The following ADCY9 variants were observed in gnomAD, a reference collection of about 807,000 sequenced individuals.
ADCY9 encodes the protein adenylate cyclase 9, also known as adenylate cyclase type 9.
A neutral mutation model predicts 101.5 loss-of-function variants in ADCY9; 50 were observed. That is an observed-to-expected ratio of 0.49 (90% CI 0.39 to 0.62). The LOEUF is 0.62. Among genes scored for constraint, ADCY9 ranks in the 20% least tolerant of loss-of-function variants. The pLI, the probability that ADCY9 is intolerant of heterozygous loss-of-function variation, is 0.00. For synonymous variants in ADCY9, 905 were observed against 769.3 expected, an observed-to-expected ratio of 1.18 and a Z score of -2.92; for missense variants, 1,662 against 1,800.4, an observed-to-expected ratio of 0.92 and a Z score of 1.39.
chr16:3,954,789 C>A (rs2055898804), intron 5 of ADCY9, among the ~76,000 whole-genome samples: 1 of 152,116 alleles, frequency 6.6e-6, no homozygotes, highest in African/African-American at 2.4e-5. Flanking sequence ...TTACTGTGGA[C>A]ACAGATGGGG....
intron 2 of ADCY9, among the ~76,000 whole-genome samples, chr16:4,010,573 G>A (rs899094033): frequency 9.2e-5 from 14 of 152,222 alleles, no homozygotes; most frequent in African/African-American, 3.4e-4. Context: ...CAGGGACGAT[G>A]TGTGACTATT....
chr16:3,988,950 A>G (rs1288724372), intron 6 of ADCY9, 44 bp downstream of exon 6: 9 of 1,459,256 alleles, frequency 6.2e-6, no homozygotes, highest in Non-Finnish European at 6.7e-6. Flanking sequence ...TGTGAGAACA[A>G]CAAACACATT....
chr16:3,967,521 C>T (rs1283622679), intron 10 of ADCY9, among the ~76,000 whole-genome samples: 1 of 151,668 alleles, frequency 6.6e-6, no homozygotes, highest in Non-Finnish European at 1.5e-5. Context: ...TCCTAAGTAG[C>T]TGGGATTACA....
intron 3 of ADCY9, among the ~76,000 whole-genome samples, chr16:3,998,278 G>T (rs941637159): frequency 1.3e-5 from 2 of 152,016 alleles, no homozygotes; most frequent in African/African-American, 2.4e-5. Context: ...GGGCACAGTG[G>T]TGTGTGCTTG....
At chr16:3,985,128 T>A (rs2056179991) in intron 6 of ADCY9, among the ~76,000 whole-genome samples, 1 of 147,650 alleles carries the variant, frequency 6.8e-6, no homozygotes, top group South Asian at 2.1e-4. Flanking sequence ...TTTTCATTTT[T>A]CTTTTCTTTT....
At chr16:4,101,305 G>C (rs1356761582) in intron 2 of ADCY9, among the ~76,000 whole-genome samples, 1 of 132,732 alleles carries the variant, frequency 7.5e-6, no homozygotes, top group Non-Finnish European at 1.6e-5. Context: ...TTTTGAGACA[G>C]AGTCTTGCTC....
At chr16:4,108,058 T>G (rs912693682) in intron 2 of ADCY9, among the ~76,000 whole-genome samples, 1 of 152,224 alleles carries the variant, frequency 6.6e-6, no homozygotes, top group African/African-American at 2.4e-5. Flanking sequence ...GATCACTCCC[T>G]GGTATTCCCC....
intron 2 of ADCY9, among the ~76,000 whole-genome samples, chr16:4,008,986 C>T (rs540328284): frequency 2.0e-5 from 3 of 152,254 alleles, no homozygotes; most frequent in East Asian, 1.9e-4. Flanking sequence ...ATTTGGTCAG[C>T]GCTTTAAAAT....
chr16:3,983,709 G>T (rs550718787), intron 6 of ADCY9: 1 of 481,978 alleles, frequency 2.1e-6, no homozygotes, highest in South Asian at 2.8e-5. Context: ...TAGGAGGGTC[G>T]CTGGAGCCCA....
chr16:3,983,708 C>T (rs998764682), intron 6 of ADCY9: 13 of 472,310 alleles, frequency 2.8e-5, no homozygotes, highest in Admixed American at 7.0e-5. Flanking sequence ...GTAGGAGGGT[C>T]GCTGGAGCCC....
At chr16:3,960,034 T>C (rs189851268), downstream of ADCY9, among the ~76,000 whole-genome samples, 1 of 150,830 alleles carries the variant, frequency 6.6e-6, no homozygotes, top group South Asian at 2.1e-4. Flanking sequence ...TCAAAAAAAA[T>C]AAATAAATAA....
At chr16:4,023,296 C>CGCTG (rs1169899378) in intron 2 of ADCY9, among the ~76,000 whole-genome samples, 1 of 152,170 alleles carries the variant, frequency 6.6e-6, no homozygotes, top group Non-Finnish European at 1.5e-5. Context: ...AGCAAGGACC[C>CGCTG]GAGTCACCAG....
chr16:4,027,779 A>G (rs1407260969), intron 2 of ADCY9, among the ~76,000 whole-genome samples: 1 of 151,930 alleles, frequency 6.6e-6, no homozygotes, highest in South Asian at 2.1e-4. Flanking sequence ...TGGGAGGCTG[A>G]GGCAGGAGAA....
At chr16:4,095,933 C>T (rs1434446473) in intron 2 of ADCY9, among the ~76,000 whole-genome samples, 5 of 148,216 alleles carry the variant, frequency 3.4e-5, no homozygotes, top group African/African-American at 5.0e-5. Context: ...GCTGAGATCA[C>T]GCCACTGCAC....
In ADCY9 at chr16:3,974,542, C is replaced by G. The variant is rs1224790759; in HGVS notation, c.2870+127G>C. 8 of 696,522 alleles carry G rather than the reference C, an allele frequency of 1.1e-5. No individual in the cohort carries two copies. In the East Asian group the frequency reaches 2.1e-4, roughly 18 times the overall value. 43.1% of individuals were successfully genotyped at this position (696,522 alleles called of 1,614,324 possible). A position where few individuals can be genotyped will look rare whatever the true frequency, so the allele number is the denominator to read the frequency against. On this transcript the variant is annotated intron_variant, in intron 10 of 10. Coordinates refer to ENST00000294016, the MANE Select transcript of ADCY9 (RefSeq NM_001116.4). ...TCAACGAGGAGATATTTTCCACTTT[C>G]TATTCTAAGAATGCACGTATTGTTC...
In ADCY9 at chr16:4,007,545, G is replaced by A. The variant is rs2056375132; in HGVS notation, c.1707C>T (p.Tyr569=). 1.2e-6 allele frequency: 2 copies of A among 1,608,260 alleles called. No individual in the cohort carries two copies. The highest frequency in any genetic ancestry group is 1.7e-6 in the Non-Finnish European group (2 of 1,178,318). The change falls in exon 3 of 11, where the codon TAC becomes TAT. Residue 569 remains tyrosine (Y), a synonymous_variant. Transcript: ENST00000294016. ...CCTTGGCTCTCTGACCCGATATCAG[G>A]TATGTCTTCAAACCTATGATGGATA... ...VADQLKGLKT[Y]LISGQRAKES...
intron 2 of ADCY9, among the ~76,000 whole-genome samples, chr16:4,064,544 C>T (rs954186505): frequency 5.9e-5 from 9 of 152,222 alleles, no homozygotes; most frequent in African/African-American, 2.2e-4. Flanking sequence ...ACAATCAGAG[C>T]TCACTGCAGC....
rs1347920243 is a variant in ADCY9 at position 4,115,167 on chromosome 16, G to A, written c.276C>T (p.Asp92=). 6.2e-7 allele frequency: 1 copy of A among 1,613,724 alleles called. No homozygotes were observed. The highest frequency in any genetic ancestry group is 1.3e-5 in the African/African-American group (1 of 74,946). The stretch of plus-strand genomic sequence containing the variant: ...CCAGGTTCACCGAGTCGAACTTGGG[G>A]TCCCACCAGCGGCTGGAGGCCCTCT... ...LFERASSRWW[D]PKFDSVNLEE... The change falls in exon 2 of 11, where the codon GAC becomes GAT. Residue 92 remains aspartate, a synonymous_variant. Coordinates refer to ENST00000294016, the MANE Select transcript of ADCY9 (RefSeq NM_001116.4). This position sits in a 1 kb window ranked among gnomAD's most constrained non-coding sequence, Gnocchi z 6.2.
downstream of ADCY9, among the ~76,000 whole-genome samples, chr16:3,958,561 A>C (rs1471353210): frequency 6.7e-6 from 1 of 149,082 alleles, no homozygotes; most frequent in African/African-American, 2.5e-5. Flanking sequence ...AAAAAAAAAA[A>C]AGAAAAACAA....
Sources: allele counts gnomAD v4.1 joint callset (sites outside exome capture counted in the v4.1 genomes callset), GRCh38; gene constraint gnomAD v4.1.1; non-coding constraint Gnocchi (gnomAD v3.1); transcripts MANE v1.5; gene names NCBI Gene and HGNC (gene_info 2026-07-23, HGNC 2026-07-21).